Variants in GNL3L observed in about 807,000 individuals in gnomAD.
GNL3L encodes G protein nucleolar 3 like, also known as guanine nucleotide-binding protein-like 3-like protein.
GNL3L carries 4 observed loss-of-function variants against 42.9 expected under a neutral mutation model. The observed-to-expected ratio is 0.09, with a 90% confidence interval of 0.05 to 0.21. The LOEUF (loss-of-function observed/expected upper bound fraction) is 0.21, where lower values mean the gene tolerates loss of function less well. GNL3L is among the 10% of genes least tolerant of loss of function. GNL3L has a pLI of 1.00. For synonymous variants in GNL3L, 159 were observed against 176.3 expected, an observed-to-expected ratio of 0.90 and a Z score of 0.78; for missense variants, 412 against 481.7, an observed-to-expected ratio of 0.86 and a Z score of 1.36.
At chrX:54,546,715 C>T (rs1037191064) in intron 8 of GNL3L, among the ~76,000 whole-genome samples, 1 of 111,784 alleles carries the variant, frequency 8.9e-6, no homozygotes, top group Non-Finnish European at 1.9e-5. Context: ...GGCACGATCT[C>T]GGCTCACTGC....
At chrX:54,572,291 A>G (rs1360471762) in intron 16 of GNL3L, among the ~76,000 whole-genome samples, 1 of 109,659 alleles carries the variant, frequency 9.1e-6, no homozygotes, top group Non-Finnish European at 1.9e-5. Context: ...GAGTGGACAC[A>G]GCACATGTTT....
At chrX:54,614,529 G>A (rs757491933) in intron 16 of GNL3L, among the ~76,000 whole-genome samples, 3 of 111,033 alleles carry the variant, frequency 2.7e-5, no homozygotes, top group East Asian at 2.9e-4. Flanking sequence ...TCATCATCCC[G>A]CTGGATCCCT....
chrX:54,578,833 A>G (rs1448935102), intron 16 of GNL3L, among the ~76,000 whole-genome samples: 2 of 112,426 alleles, frequency 1.8e-5, no homozygotes, highest in African/African-American at 6.5e-5. Context: ...TGGCAACTGC[A>G]AAAATGTATG....
intron 16 of GNL3L, among the ~76,000 whole-genome samples, chrX:54,590,793 G>GATTTATTTATTT (rs752558764): frequency 1.0e-4 from 11 of 109,781 alleles, no homozygotes; most frequent in African/African-American, 2.7e-4. Flanking sequence ...TTAGGTCTTA[G>GATTTATTTATTT]ATTTATTTAT....
Position 54,562,838 on chromosome X carries a change from C to T in GNL3L, c.*2236C>T, listed in dbSNP as rs765608198. On this transcript the variant is annotated 3_prime_UTR_variant, in exon 16 of 16. Coordinates refer to ENST00000360845, the MANE Select transcript of GNL3L (RefSeq NM_001184819.2). Reference sequence around the variant, plus strand: ...GACAGGATGGCCAGACCCAAGTGGGCGTATTAAGTGGTGGTGCTAGGATTG... The same window carrying T: ...GACAGGATGGCCAGACCCAAGTGGGTGTATTAAGTGGTGGTGCTAGGATTG... Among the ~76,000 whole-genome samples, 13 of 108,199 alleles carry T rather than the reference C, an allele frequency of 1.2e-4. No homozygotes were observed. Among genetic ancestry groups the T allele is most frequent in the Non-Finnish European group, 1.9e-4 (10 of 52,328 alleles). The allele number at this position is 108,199 out of a possible 115,157, so 94.0% of individuals were successfully genotyped here. A position where few individuals can be genotyped will look rare whatever the true frequency, so the allele number is the denominator to read the frequency against.
At chrX:54,630,702 CTTTCTTTTTCTTTCTTTCTTT>C in the GNL3L span, among the ~76,000 whole-genome samples, 2 of 14,081 alleles carry the variant, frequency 1.4e-4, no homozygotes, top group Non-Finnish European at 2.2e-4. Context: ...TCCTTCCTTT[CTTTCTTTTTCTTTCTTTCTTT>C]CTTTCTTTCT....
chrX:54,579,547 CTAATTT>C (rs894381964), intron 16 of GNL3L, among the ~76,000 whole-genome samples: 1 of 110,939 alleles, frequency 9.0e-6, no homozygotes, highest in Non-Finnish European at 1.9e-5. Context: ...CCGTACCTGG[CTAATTT>C]TAATTTTAAT....
At chrX:54,599,032 A>C (rs963909283) in intron 16 of GNL3L, among the ~76,000 whole-genome samples, 5 of 112,040 alleles carry the variant, frequency 4.5e-5, no homozygotes, top group African/African-American at 1.6e-4. Context: ...TAGCAAACAG[A>C]ATAAATACCA....
chrX:54,580,515 A>C (rs2147514569), intron 16 of GNL3L, among the ~76,000 whole-genome samples: 1 of 110,874 alleles, frequency 9.0e-6, no homozygotes, highest in Non-Finnish European at 1.9e-5. Flanking sequence ...GTATATACCC[A>C]GTAATGGGAT....
At chrX:54,572,821 T>C (rs1343669551) in intron 16 of GNL3L, among the ~76,000 whole-genome samples, 1 of 103,183 alleles carries the variant, frequency 9.7e-6, no homozygotes, top group Non-Finnish European at 2.0e-5. Flanking sequence ...GTCTCCTCAC[T>C]TCTCAGGCGG....
intron 8 of GNL3L, 142 bp from the exon 9 acceptor site, chrX:54,548,085 CGT>C: frequency 2.1e-6 from 1 of 469,226 alleles, no homozygotes. Flanking sequence ...GGAAATGACA[CGT>C]GTTCAAGATC....
intron 16 of GNL3L, among the ~76,000 whole-genome samples, chrX:54,602,448 C>G (rs1411234649): frequency 2.7e-5 from 3 of 110,316 alleles, no homozygotes; most frequent in African/African-American, 9.9e-5. Flanking sequence ...CTCCATGATA[C>G]CTGCCTGCTG....
chrX:54,607,638 A>C (rs1926113902), intron 16 of GNL3L, among the ~76,000 whole-genome samples: 1 of 111,101 alleles, frequency 9.0e-6, no homozygotes, highest in Non-Finnish European at 1.9e-5. Context: ...TGATCATCAT[A>C]ATAAATAAAA....
chrX:54,583,236 A>G (rs901542322), intron 16 of GNL3L, among the ~76,000 whole-genome samples: 3 of 110,845 alleles, frequency 2.7e-5, no homozygotes, highest in African/African-American at 9.8e-5. Context: ...CTTGTTGCCT[A>G]AGCGGGAGTG....
chrX:54,626,120 A>G (rs1010251821), downstream of GNL3L, among the ~76,000 whole-genome samples: 1 of 111,596 alleles, frequency 9.0e-6, no homozygotes, highest in African/African-American at 3.3e-5. Flanking sequence ...CTGCAGAATG[A>G]TAGAACTCAT....
intron 13 of GNL3L, among the ~76,000 whole-genome samples, chrX:54,552,953 A>G (rs1287362412): frequency 1.8e-5 from 2 of 112,002 alleles, no homozygotes; most frequent in African/African-American, 6.5e-5. Context: ...TGGGTGTCCA[A>G]AAGTATAGAC....
In GNL3L at chrX:54,543,027, G is replaced by C. The variant is rs142243685; in HGVS notation, c.379G>C (p.Glu127Gln). The C allele has an allele frequency of 7.7e-6, 9 of 1,166,647 alleles. No homozygotes were observed. The African/African-American group carries it at 1.4e-4, about 18-fold the overall frequency. ...DEATRKAYYK[E>Q]FRKVVEYSDV... The stretch of plus-strand genomic sequence containing the variant: ...GGCCACGAGGAAGGCTTATTACAAG[G>C]AGTTCCGTAAGGTACAGGGTTCCAT... Residue 127 changes from glutamate (E) to glutamine (Q), a missense_variant, in exon 6 of 16, where the codon GAG becomes CAG. Physicochemically the swap from Glu to Gln is conservative, Grantham distance 29 (BLOSUM62 2). Coordinates refer to ENST00000360845, the MANE Select transcript of GNL3L (RefSeq NM_001184819.2).
chrX:54,576,521 C>T (rs1925636466), intron 16 of GNL3L, among the ~76,000 whole-genome samples: 2 of 111,056 alleles, frequency 1.8e-5, no homozygotes, highest in Admixed American at 1.9e-4. Context: ...GCTCTGTTGA[C>T]CAGGCTGGAG....
chrX:54,539,178 A>C, intron 3 of GNL3L, 77 bp downstream of exon 3: 1 of 535,130 alleles, frequency 1.9e-6, no homozygotes, highest in Non-Finnish European at 3.0e-6. Context: ...AACCCAGTAA[A>C]TATTGGGTGA....
Sources: gnomAD v4.1 joint callset for allele counts (sites outside exome capture counted in the v4.1 genomes callset) on GRCh38, gnomAD v4.1.1 for gene constraint, MANE v1.5 for transcripts, NCBI Gene and HGNC (gene_info 2026-07-23, HGNC 2026-07-21) for gene names.